The following MRPL43 variants were observed in gnomAD, a reference collection of about 807,000 sequenced individuals.
The protein encoded by MRPL43 is large ribosomal subunit protein mL43.
A neutral mutation model predicts 12.7 loss-of-function variants in MRPL43; 9 were observed. That is an observed-to-expected ratio of 0.71 (90% CI 0.43 to 1.24). The LOEUF (loss-of-function observed/expected upper bound fraction) is 1.24. Ranked by LOEUF, MRPL43 falls within the 50% of genes most tolerant of loss-of-function variation. MRPL43 has a pLI of 0.00. For missense variants in MRPL43, 211 were observed against 229.2 expected (o/e 0.92, Z 0.51); for synonymous variants, 116 against 96.4 (o/e 1.20, Z -1.19).
chr10:100,978,383 T>C (rs1477311108), downstream of MRPL43: 1 of 1,613,032 alleles, frequency 6.2e-7, no homozygotes, highest in Non-Finnish European at 8.5e-7. Flanking sequence ...ACAGGCCTCA[T>C]CATTGGTGAG....
Position 100,987,026 on chromosome 10 carries a change from G to A in MRPL43, c.239-51C>T, listed in dbSNP as rs554802043. 5 of 1,606,586 alleles carry A rather than the reference G, an allele frequency of 3.1e-6. No homozygotes were observed. The Admixed American group carries it at 5.0e-5, about 16-fold the overall frequency. ...TGGAAGCTGGCCGGTGCGACCAAGCGAGAAGGAGGATAGCGGGTCGAGCCC... is the reference window on the plus strand; with the variant it reads ...TGGAAGCTGGCCGGTGCGACCAAGCAAGAAGGAGGATAGCGGGTCGAGCCC... On this transcript the variant is annotated intron_variant, in intron 2 of 2. Transcript: ENST00000318364.
chr10:100,984,425 C>T, downstream of MRPL43: 1 of 1,485,552 alleles, frequency 6.7e-7, no homozygotes, highest in African/African-American at 1.4e-5. Context: ...AACCTAAACA[C>T]TTATAGGTGA....
chr10:100,978,391 G>T (rs749714404), downstream of MRPL43: 6 of 1,612,392 alleles, frequency 3.7e-6, no homozygotes, highest in African/African-American at 2.7e-5. Context: ...CATCATTGGT[G>T]AGCAGGCCTT....
At chr10:100,984,310 C>G (rs974131731), downstream of MRPL43, 8 of 1,439,972 alleles carry the variant, frequency 5.6e-6, no homozygotes, top group African/African-American at 8.6e-5. Context: ...TCCTCAGTCT[C>G]CACAGACCCA....
At chr10:100,978,522 G>A (rs377210428), downstream of MRPL43, 41 of 1,613,326 alleles carry the variant, frequency 2.5e-5, no homozygotes, top group African/African-American at 1.6e-4. Context: ...ATATCCCCAC[G>A]CCAGATGGAG....
At chr10:100,985,132 T>C (rs1357883329), downstream of MRPL43, 2 of 440,612 alleles carry the variant, frequency 4.5e-6, no homozygotes, top group African/African-American at 2.0e-5. Flanking sequence ...CAGCCTCTCT[T>C]TTGGGGGAAT....
chr10:100,987,259 G>T (rs1398239411), intron 1 of MRPL43, 54 bp downstream of exon 1: 1 of 1,612,008 alleles, frequency 6.2e-7, no homozygotes, highest in Admixed American at 1.7e-5. Context: ...CCGGGGAGTC[G>T]TTGCCACCTC....
At chr10:100,986,172 T>C (rs941532289), downstream of MRPL43, 9 of 560,132 alleles carry the variant, frequency 1.6e-5, no homozygotes, top group African/African-American at 2.0e-5. Flanking sequence ...CCTTTGATAC[T>C]AACCACCTGA....
At position 100,986,692 on chromosome 10, in the gene MRPL43, T is replaced by C; in HGVS notation, c.*42A>G. 6.2e-7 allele frequency: 1 copy of C among 1,613,814 alleles called. No homozygotes were observed. Among genetic ancestry groups the C allele is most frequent in the South Asian group, 1.1e-5 (1 of 91,072 alleles). ...AGGGGAAGAACCACCTTTACCGGAGTAACAGTCCAAAGCCTGGGGCTGCAG... is the reference window on the plus strand; with the variant it reads ...AGGGGAAGAACCACCTTTACCGGAGCAACAGTCCAAAGCCTGGGGCTGCAG... On this transcript the variant is annotated 3_prime_UTR_variant, in exon 3 of 3. Transcript: ENST00000318364.
downstream of MRPL43, chr10:100,979,947 C>T: frequency 6.2e-7 from 1 of 1,614,132 alleles, no homozygotes; most frequent in Admixed American, 1.7e-5. Flanking sequence ...GTTCCCGGCG[C>T]TGGGGTCGCT....
chr10:100,977,911 A>G (rs976486842), downstream of MRPL43: 1 of 601,586 alleles, frequency 1.7e-6, no homozygotes, highest in African/African-American at 1.9e-5. Flanking sequence ...CTTTGTAAAA[A>G]CCATGCAGTT....
downstream of MRPL43, chr10:100,983,912 AC>A (rs746736051): frequency 2.2e-5 from 4 of 185,372 alleles, no homozygotes; most frequent in Non-Finnish European, 3.3e-5. Context: ...CAGCCCCACC[AC>A]CCCCACCGCC....
chr10:100,981,141 T>A, downstream of MRPL43: 1 of 1,613,956 alleles, frequency 6.2e-7, no homozygotes, highest in Non-Finnish European at 8.5e-7. Context: ...GTTCCCCTTG[T>A]TCATAAAACC....
chr10:100,985,196 T>C (rs1318520975), downstream of MRPL43: 1 of 328,164 alleles, frequency 3.0e-6, no homozygotes, highest in African/African-American at 2.1e-5. Context: ...AAATCTGATG[T>C]CTCAACTGGC....
At chr10:100,980,705 CTG>C, downstream of MRPL43, 1 of 1,610,792 alleles carries the variant, frequency 6.2e-7, no homozygotes, top group Non-Finnish European at 8.5e-7. Context: ...TAGCCCTTCT[CTG>C]TGACCCTTAA....
At chr10:100,982,995 C>T (rs1457655888), downstream of MRPL43, among the ~76,000 whole-genome samples, 1 of 152,128 alleles carries the variant, frequency 6.6e-6, no homozygotes, top group Non-Finnish European at 1.5e-5. Context: ...GGTAGATATC[C>T]GAGTCTGGCA....
downstream of MRPL43, chr10:100,979,744 A>T (rs1850966785): frequency 1.5e-6 from 2 of 1,343,148 alleles, no homozygotes; most frequent in African/African-American, 2.9e-5. Flanking sequence ...GTGGGACTAT[A>T]GCTGGGGTTG....
At chr10:100,986,996 G>A (rs763945627) in intron 2 of MRPL43, 21 bp from the exon 3 acceptor site, 1 of 1,605,314 alleles carries the variant, frequency 6.2e-7, no homozygotes, top group Admixed American at 1.7e-5. Context: ...AGGGGTGAGA[G>A]TGGGTGGAAG....
chr10:100,980,654 G>T (rs1340727081), downstream of MRPL43: 1 of 1,614,174 alleles, frequency 6.2e-7, no homozygotes, highest in African/African-American at 1.3e-5. Flanking sequence ...TGTTCAGGGA[G>T]TCCCAGTCTG....
Sources: gnomAD v4.1 joint callset for allele counts (sites outside exome capture counted in the v4.1 genomes callset) on GRCh38, gnomAD v4.1.1 for gene constraint, MANE v1.5 for transcripts, NCBI Gene and HGNC (gene_info 2026-07-23, HGNC 2026-07-21) for gene names.